Variants in PLD1 observed in about 807,000 individuals in gnomAD.
PLD1 encodes the protein phospholipase D1.
A neutral mutation model predicts 137.1 loss-of-function variants in PLD1; 112 were observed. That is an observed-to-expected ratio of 0.82 (90% CI 0.70 to 0.96). The LOEUF is 0.96. Among genes scored for constraint, PLD1 ranks in the 40% least tolerant of loss-of-function variants. PLD1 has a pLI of 0.00. For synonymous variants in PLD1, 431 were observed against 454.7 expected (o/e 0.95, Z 0.66); for missense variants, 1,321 against 1,342.0 (o/e 0.98, Z 0.24).
chr3:171,627,237 C>T (rs1734201693), intron 23 of PLD1, among the ~76,000 whole-genome samples: 1 of 152,104 alleles, frequency 6.6e-6, no homozygotes, highest in South Asian at 2.1e-4. Flanking sequence ...AGACTGTAAA[C>T]TAACAAAGAT....
intron 1 of PLD1, among the ~76,000 whole-genome samples, chr3:171,797,355 T>C (rs1277300219): frequency 6.6e-6 from 1 of 152,242 alleles, no homozygotes; most frequent in Non-Finnish European, 1.5e-5. Flanking sequence ...TACTGATGTG[T>C]CAGCTAAACC....
chr3:171,659,401 A>C, intron 20 of PLD1, 100 bp from the exon 21 acceptor site: 2 of 802,584 alleles, frequency 2.5e-6, no homozygotes, highest in Non-Finnish European at 4.2e-6. Context: ...TTCACACAGC[A>C]GATGTGTTCT....
chr3:171,778,917 T>A (rs1168381509), intron 1 of PLD1, among the ~76,000 whole-genome samples: 1 of 152,156 alleles, frequency 6.6e-6, no homozygotes, highest in Non-Finnish European at 1.5e-5. Flanking sequence ...TAAAAGGGGC[T>A]GGGCATGGTG....
chr3:171,609,552 A>C (rs890790357), intron 25 of PLD1, among the ~76,000 whole-genome samples: 1 of 129,890 alleles, frequency 7.7e-6, no homozygotes, highest in Non-Finnish European at 1.5e-5. Context: ...ACACACACAC[A>C]CACCAGAGAA....
intron 23 of PLD1, among the ~76,000 whole-genome samples, chr3:171,620,742 CTATATATATA>C (rs869115087): frequency 5.0e-4 from 47 of 94,782 alleles, no homozygotes; most frequent in African/African-American, 1.9e-3. Context: ...CTCTCTCTCT[CTATATATATA>C]TATATATATA....
rs946545490 is a variant in PLD1 at position 171,687,089 on chromosome 3, T to C, written c.1753+282A>G. Among the ~76,000 whole-genome samples the C allele has an allele frequency of 2.6e-5, 4 of 152,280 alleles. No homozygotes were observed. In the East Asian group the frequency reaches 5.8e-4, roughly 22 times the overall value. ...GTACATCTAATACCTTTTTCTTTTA[T>C]GGCTTGGCATATTTTAGAAACCCTT... is the stretch of plus-strand genomic sequence containing the variant. On this transcript the variant is annotated intron_variant, in intron 15 of 26. Coordinates refer to ENST00000351298, the MANE Select transcript of PLD1 (RefSeq NM_002662.5).
At chr3:171,664,140 A>T (rs538520764) in intron 19 of PLD1, among the ~76,000 whole-genome samples, 1 of 152,340 alleles carries the variant, frequency 6.6e-6, no homozygotes, top group African/African-American at 2.4e-5. Context: ...GTCAACATGA[A>T]TATATTAAAT....
chr3:171,714,105 T>A, intron 8 of PLD1, 60 bp from the exon 9 acceptor site: 1 of 1,035,142 alleles, frequency 9.7e-7, no homozygotes, highest in Non-Finnish European at 1.5e-6. Context: ...CGAGAAGAAC[T>A]AATCATTATG....
chr3:171,782,983 T>C (rs769662646), intron 1 of PLD1, among the ~76,000 whole-genome samples: 6 of 151,950 alleles, frequency 3.9e-5, no homozygotes, highest in Non-Finnish European at 8.8e-5. Context: ...CGTTTGTCCA[T>C]GGTAAAGAGC....
chr3:171,669,292 T>C (rs1712496649), intron 19 of PLD1, among the ~76,000 whole-genome samples: 1 of 152,242 alleles, frequency 6.6e-6, no homozygotes, highest in Admixed American at 6.5e-5. Context: ...TTTACTTTAT[T>C]ATGTCAAATA....
At position 171,601,274 on chromosome 3, in the gene PLD1, G is replaced by A. The variant is rs1376127904; in HGVS notation, c.*1804C>T. On this transcript the variant is annotated 3_prime_UTR_variant, in exon 27 of 27. Coordinates refer to ENST00000351298, the MANE Select transcript of PLD1 (RefSeq NM_002662.5). ...AAGGGTCCTTTCAGGCTTTTTTCATGAGAGTAGGGTGCTGAAAATCAAGAG... is the reference window on the plus strand; with the variant it reads ...AAGGGTCCTTTCAGGCTTTTTTCATAAGAGTAGGGTGCTGAAAATCAAGAG... 6.6e-6 allele frequency: 1 copy of A among 152,108 alleles called. No individual in the cohort carries two copies. The highest frequency in any genetic ancestry group is 2.1e-4 in the South Asian group (1 of 4,824). 9.4% of individuals were successfully genotyped at this position (152,108 alleles called of 1,614,324 possible).
At chr3:171,802,218 C>A (rs1244136984) in intron 1 of PLD1, among the ~76,000 whole-genome samples, 1 of 152,038 alleles carries the variant, frequency 6.6e-6, no homozygotes, top group African/African-American at 2.4e-5. Flanking sequence ...CAGGAAAGTC[C>A]CTACTCTCAT....
At chr3:171,639,564 ATT>A (rs1433085661) in intron 23 of PLD1, among the ~76,000 whole-genome samples, 11 of 72,634 alleles carry the variant, frequency 1.5e-4, no homozygotes, top group African/African-American at 5.8e-4. Context: ...TATAATATAT[ATT>A]ATATATAATA....
chr3:171,737,721 G>T, intron 2 of PLD1, 62 bp from the exon 3 acceptor site: 1 of 1,343,368 alleles, frequency 7.4e-7, no homozygotes, highest in Non-Finnish European at 1.0e-6. Context: ...TCTTTTACAG[G>T]CATTCTTTTA....
At chr3:171,761,487 CT>C (rs1721385222) in intron 1 of PLD1, among the ~76,000 whole-genome samples, 1 of 152,102 alleles carries the variant, frequency 6.6e-6, no homozygotes, top group African/African-American at 2.4e-5. Context: ...TAGGCAAGAC[CT>C]CCACCAGAGC....
intron 1 of PLD1, among the ~76,000 whole-genome samples, chr3:171,783,249 T>C (rs1722862813): frequency 6.6e-6 from 1 of 152,108 alleles, no homozygotes; most frequent in African/African-American, 2.4e-5. Flanking sequence ...ATTAATTTAA[T>C]GTCATCAGAG....
At chr3:171,730,420 G>GAA (rs576994873) in intron 6 of PLD1, among the ~76,000 whole-genome samples, 122 of 132,340 alleles carry the variant, frequency 9.2e-4, no homozygotes, top group African/African-American at 2.5e-3. Context: ...CCACAAGAAG[G>GAA]AAAAAAAAAA....
intron 23 of PLD1, among the ~76,000 whole-genome samples, chr3:171,639,745 C>T (rs1189492657): frequency 7.5e-6 from 1 of 132,468 alleles, no homozygotes; most frequent in East Asian, 2.1e-4. Flanking sequence ...ATATATCTTT[C>T]ATATATATGA....
intron 18 of PLD1, among the ~76,000 whole-genome samples, chr3:171,676,217 T>C (rs1302435783): frequency 6.6e-6 from 1 of 152,074 alleles, no homozygotes; most frequent in African/African-American, 2.4e-5. Flanking sequence ...GAGGACACAA[T>C]CTGGATAAAA....
Sources: gnomAD v4.1 joint callset for allele counts (sites outside exome capture counted in the v4.1 genomes callset) on GRCh38, gnomAD v4.1.1 for gene constraint, MANE v1.5 for transcripts, NCBI Gene and HGNC (gene_info 2026-07-23, HGNC 2026-07-21) for gene names.